The following RAD51C variants were observed in gnomAD, a reference collection of about 807,000 sequenced individuals.
RAD51C encodes RAD51 paralog C.
In RAD51C, 42 loss-of-function variants were observed where a neutral mutation model predicts 45.0. The observed-to-expected ratio is 0.93, with a 90% CI of 0.73 to 1.21. The LOEUF is 1.21. Among genes scored for constraint, RAD51C ranks in the 50% most tolerant of loss-of-function variants. RAD51C has a pLI of 0.00. For synonymous variants in RAD51C, 172 were observed against 159.8 expected (o/e 1.08, Z -0.58); for missense variants, 474 against 452.2 (o/e 1.05, Z -0.44).
intron 4 of RAD51C, among the ~76,000 whole-genome samples, chr17:58,705,621 C>T (rs186760804): frequency 5.9e-5 from 9 of 152,182 alleles, no homozygotes; most frequent in African/African-American, 2.2e-4. Flanking sequence ...CGTGAGCCAC[C>T]GTGCCTGACC....
intron 2 of RAD51C, among the ~76,000 whole-genome samples, chr17:58,696,083 AG>A (rs2047994533): frequency 6.8e-6 from 1 of 146,980 alleles, no homozygotes; most frequent in Non-Finnish European, 1.5e-5. Context: ...AAAAAAAAAA[AG>A]GTAGATTTAT....
At chr17:58,710,117 C>T (rs994949800) in intron 5 of RAD51C, 127 bp downstream of exon 5, 17 of 1,110,366 alleles carry the variant, frequency 1.5e-5, no homozygotes, top group Non-Finnish European at 1.8e-5. Context: ...AGTAAAGTTA[C>T]GTTTGGTTGG....
intron 4 of RAD51C, among the ~76,000 whole-genome samples, chr17:58,705,259 C>T (rs952378884): frequency 1.3e-5 from 2 of 151,776 alleles, no homozygotes; most frequent in Admixed American, 6.6e-5. Flanking sequence ...TCCTGGCTTG[C>T]AGACAGCCAT....
At chr17:58,730,781 T>G (rs2049389721) in intron 7 of RAD51C, among the ~76,000 whole-genome samples, 2 of 152,202 alleles carry the variant, frequency 1.3e-5, no homozygotes. Context: ...TTCATTACAT[T>G]GTGCTAAAAC....
intron 5 of RAD51C, among the ~76,000 whole-genome samples, chr17:58,718,937 C>T (rs2048825833): frequency 6.6e-6 from 1 of 152,002 alleles, no homozygotes; most frequent in South Asian, 2.1e-4. Flanking sequence ...AGAACATGGA[C>T]TCAGGCCAGG....
chr17:58,733,402 T>G (rs1481889768), intron 8 of RAD51C, among the ~76,000 whole-genome samples: 1 of 152,140 alleles, frequency 6.6e-6, no homozygotes, highest in Non-Finnish European at 1.5e-5. Context: ...CAGGTGTACT[T>G]GAAATATCCT....
At chr17:58,693,390 A>G (rs901275144) in intron 1 of RAD51C, 1 of 158,070 alleles carries the variant, frequency 6.3e-6, no homozygotes, top group Non-Finnish European at 1.4e-5. Context: ...GAGACATACA[A>G]ATATGAGGCT....
Position 58,720,781 on chromosome 17 carries a change from T to C in RAD51C, c.873T>C (p.Asp291=), listed in dbSNP as rs1288802398. Residue 291 remains aspartate (D), a synonymous_variant, in exon 6 of 9, where the codon GAT becomes GAC. Coordinates refer to ENST00000337432, the MANE Select transcript of RAD51C (RefSeq NM_058216.3). ...CCAATCAGATGACAACAAAGATTGA[T>C]AGAAATCAGGCCTTGCTTGTTCCTG... The part of the protein sequence containing the change: ...ILTNQMTTKI[D]RNQALLVPAL... The C allele has an allele frequency of 6.2e-7, 1 of 1,612,752 alleles. No homozygotes were observed. The highest frequency in any genetic ancestry group is 2.2e-5 in the East Asian group (1 of 44,830).
At chr17:58,703,409 G>T (rs1285748455) in intron 4 of RAD51C, 80 bp downstream of exon 4, 1 of 1,468,446 alleles carries the variant, frequency 6.8e-7, no homozygotes, top group Admixed American at 1.8e-5. Context: ...AACCAGTACA[G>T]TAGCATAAAA....
chr17:58,695,164 C>A lies in RAD51C; in HGVS notation c.379C>A (p.Pro127Thr), dbSNP rs587782222. Residue 127 changes from proline (P) to threonine (T), a missense_variant, in exon 2 of 9, where the codon CCA becomes ACA. Pro to Thr is a conservative substitution (Grantham distance 38). Coordinates refer to ENST00000337432, the MANE Select transcript of RAD51C (RefSeq NM_058216.3). ...LMKTTEICGA[P>T]GVGKTQLCMQ... ...GAAAACAACAGAAATTTGTGGTGCA[C>A]CAGGTGTTGGAAAAACACAATTATG... The A allele has an allele frequency of 1.2e-6, 2 of 1,612,304 alleles. No individual in the cohort carries two copies. The highest frequency in any genetic ancestry group is 1.7e-6 in the Non-Finnish European group (2 of 1,179,014).
intron 7 of RAD51C, among the ~76,000 whole-genome samples, chr17:58,724,379 C>T (rs1389012685): frequency 1.3e-5 from 2 of 151,428 alleles, no homozygotes; most frequent in Non-Finnish European, 2.9e-5. Context: ...TAAAGCTCTT[C>T]GAAATAATTT....
At chr17:58,730,191 G>A (rs1397182189) in intron 7 of RAD51C, among the ~76,000 whole-genome samples, 1 of 138,260 alleles carries the variant, frequency 7.2e-6, no homozygotes, top group African/African-American at 2.7e-5. Context: ...TTGAGATGGA[G>A]TCTCGCCCTG....
At chr17:58,715,303 A>C (rs921178333) in intron 5 of RAD51C, among the ~76,000 whole-genome samples, 2 of 142,862 alleles carry the variant, frequency 1.4e-5, no homozygotes, top group Non-Finnish European at 3.2e-5. Context: ...AATACAAAAA[A>C]ATTAGCCAGT....
chr17:58,703,620 T>A (rs557625012), intron 4 of RAD51C, among the ~76,000 whole-genome samples: 1 of 152,126 alleles, frequency 6.6e-6, no homozygotes, highest in South Asian at 2.1e-4. Flanking sequence ...AAATGAAAAA[T>A]AAAAACTTCC....
rs551891139 is a variant in RAD51C at position 58,701,383 on chromosome 17, C to T, written c.572-1813C>T. 1.5e-4 allele frequency among the ~76,000 whole-genome samples: 23 copies of T among 151,714 alleles called. No individual in the cohort carries two copies. In the East Asian group the frequency reaches 4.4e-3, roughly 29 times the overall value. On this transcript the variant is annotated intron_variant, in intron 3 of 8. Transcript: ENST00000337432. ...ATTAGCCTGGCATGGTGGCGGGCGCCTGTAGTCCCGGCTGCTGGGGAGGCT... is the reference window on the plus strand; with the variant it reads ...ATTAGCCTGGCATGGTGGCGGGCGCTTGTAGTCCCGGCTGCTGGGGAGGCT...
intron 4 of RAD51C, among the ~76,000 whole-genome samples, chr17:58,705,046 G>T (rs137924162): frequency 2.0e-4 from 30 of 151,848 alleles, no homozygotes; most frequent in African/African-American, 6.8e-4. Context: ...CAGGAGAATC[G>T]CTTGAACCTG....
chr17:58,719,268 G>A (rs987719881), intron 5 of RAD51C, among the ~76,000 whole-genome samples: 43 of 151,914 alleles, frequency 2.8e-4, no homozygotes, highest in South Asian at 2.1e-4. Flanking sequence ...GCTGGGGTAC[G>A]GTGACAGAAT....
intron 6 of RAD51C, 82 bp from the exon 7 acceptor site, chr17:58,723,958 T>G (rs1183267435): frequency 8.2e-7 from 1 of 1,216,528 alleles, no homozygotes; most frequent in Non-Finnish European, 1.2e-6. Context: ...TAAAGTAAGA[T>G]TATATTTGAT....
chr17:58,707,960 G>A (rs2048428444), intron 4 of RAD51C, among the ~76,000 whole-genome samples: 1 of 152,068 alleles, frequency 6.6e-6, no homozygotes, highest in Non-Finnish European at 1.5e-5. Flanking sequence ...CTCAAATCAG[G>A]ATGTCATTCT....
Sources: gnomAD v4.1 joint callset for allele counts (sites outside exome capture counted in the v4.1 genomes callset) on GRCh38, gnomAD v4.1.1 for gene constraint, MANE v1.5 for transcripts, NCBI Gene and HGNC (gene_info 2026-07-23, HGNC 2026-07-21) for gene names.